CNOT4: variants seen among roughly 807,000 people sequenced by gnomAD.
The protein encoded by CNOT4 is CCR4-associated factor 4.
Under a neutral mutation model 73.8 loss-of-function variants are expected in CNOT4, and 8 were observed. The ratio of observed to expected loss-of-function variants is 0.11; its 90% confidence interval spans 0.06 to 0.20. The LOEUF is 0.20. Ranked by LOEUF, CNOT4 falls within the 10% of genes least tolerant of loss-of-function variation. The pLI is 1.00. For synonymous variants in CNOT4, 293 were observed against 321.1 expected, an observed-to-expected ratio of 0.91 and a Z score of 0.94; for missense variants, 564 against 883.4, an observed-to-expected ratio of 0.64 and a Z score of 4.58.
intron 1 of CNOT4, among the ~76,000 whole-genome samples, chr7:135,456,250 T>C (rs550261993): frequency 4.8e-4 from 73 of 152,294 alleles, no homozygotes; most frequent in Non-Finnish European, 8.8e-4. Flanking sequence ...ACTGATTTTT[T>C]TGAATTATTT....
intron 1 of CNOT4, among the ~76,000 whole-genome samples, chr7:135,451,852 G>C (rs1800188752): frequency 6.6e-6 from 1 of 152,168 alleles, no homozygotes; most frequent in African/African-American, 2.4e-5. Context: ...AATCCTTTGA[G>C]TGCAAAGACT....
chr7:135,469,883 G>A (rs1017905691), intron 1 of CNOT4, among the ~76,000 whole-genome samples: 2 of 151,932 alleles, frequency 1.3e-5, no homozygotes, highest in Admixed American at 6.6e-5. Flanking sequence ...GTGCAGTGGC[G>A]CAATCTCAGC....
chr7:135,449,042 TTAAG>T lies in CNOT4; in HGVS notation c.-92-10623_-92-10620del, dbSNP rs1294547216. 5.9e-5 allele frequency among the ~76,000 whole-genome samples: 9 copies of T among 152,214 alleles called. No homozygotes were observed. The East Asian group carries it at 1.3e-3, about 23-fold the overall frequency. On this transcript the variant is annotated intron_variant, in intron 1 of 11. Coordinates refer to ENST00000541284, the MANE Select transcript of CNOT4 (RefSeq NM_001190850.2). Reference sequence around the variant, plus strand: ...GAGGGAAAGGGAAAGAAAAACTATCTTAAGTAATGATGACTGTATAAAAATGAAG... The same window carrying T: ...GAGGGAAAGGGAAAGAAAAACTATCTTAATGATGACTGTATAAAAATGAAG...
At chr7:135,429,858 T>C (rs1413220356) in intron 2 of CNOT4, among the ~76,000 whole-genome samples, 1 of 152,206 alleles carries the variant, frequency 6.6e-6, no homozygotes, top group Non-Finnish European at 1.5e-5. Flanking sequence ...TTCCAGTACT[T>C]ACCAGATCCT....
intron 5 of CNOT4, 45 bp from the exon 6 acceptor site, chr7:135,413,658 C>G (rs757937624): frequency 1.3e-6 from 2 of 1,570,360 alleles, no homozygotes; most frequent in Non-Finnish European, 1.7e-6. Context: ...TCAATGTGAA[C>G]TGACAACACA....
At chr7:135,496,927 C>T (rs1255713136) in intron 1 of CNOT4, among the ~76,000 whole-genome samples, 3 of 151,784 alleles carry the variant, frequency 2.0e-5, no homozygotes. Flanking sequence ...CCCACTTAAA[C>T]TCCCAAGTAG....
At position 135,414,425 on chromosome 7, in the gene CNOT4, C is replaced by A; in HGVS notation, c.467G>T (p.Ser156Ile). ...STSYAGSQGP[S>I]ASAYVTYIRS... ...GATATAGGTTACATAAGCACTGGCA[C>A]TTGGACCCTAAAGTGAAAACATCCC... Residue 156 changes from serine to isoleucine, a missense_variant, in exon 5 of 12, where the codon AGT (serine) becomes ATT (isoleucine). Ser to Ile is a moderately radical substitution (Grantham distance 142, BLOSUM62 -2). Transcript: ENST00000541284. 6.8e-7 allele frequency: 1 copy of A among 1,464,464 alleles called. No homozygotes were observed. The highest frequency in any genetic ancestry group is 9.5e-7 in the Non-Finnish European group (1 of 1,048,454). The allele number at this position is 1,464,464 out of a possible 1,614,324, so 90.7% of individuals were successfully genotyped here.
intron 10 of CNOT4, among the ~76,000 whole-genome samples, chr7:135,385,602 C>T (rs1337728776): frequency 3.3e-5 from 5 of 152,188 alleles, no homozygotes; most frequent in African/African-American, 7.2e-5. Context: ...CTCACACACA[C>T]GTAGAATAAT....
intron 2 of CNOT4, among the ~76,000 whole-genome samples, chr7:135,436,020 T>C (rs1433665903): frequency 6.6e-6 from 1 of 151,936 alleles, no homozygotes; most frequent in African/African-American, 2.4e-5. Context: ...CCCATTCCTT[T>C]TTTTTTTTTA....
At chr7:135,376,412 C>CT (rs1411399187) in intron 10 of CNOT4, among the ~76,000 whole-genome samples, 1 of 151,956 alleles carries the variant, frequency 6.6e-6, no homozygotes, top group Non-Finnish European at 1.5e-5. Context: ...CTGCTTATTT[C>CT]TTAGCAGATC....
intron 1 of CNOT4, among the ~76,000 whole-genome samples, chr7:135,498,459 T>C (rs1270403286): frequency 6.6e-6 from 1 of 152,216 alleles, no homozygotes. Context: ...TGTGTTCTTT[T>C]GTTAGCATGC....
At chr7:135,402,320 G>A (rs1357058617) in intron 7 of CNOT4, among the ~76,000 whole-genome samples, 1 of 151,982 alleles carries the variant, frequency 6.6e-6, no homozygotes, top group African/African-American at 2.4e-5. Flanking sequence ...ATGTTGGCCA[G>A]GATGGTCTTA....
intron 7 of CNOT4, among the ~76,000 whole-genome samples, chr7:135,408,387 G>C (rs1370032262): frequency 6.6e-6 from 1 of 151,998 alleles, no homozygotes; most frequent in Admixed American, 6.6e-5. Context: ...AACAAACCAA[G>C]GTACTCTGTG....
chr7:135,407,709 G>A (rs1398039200), intron 7 of CNOT4, among the ~76,000 whole-genome samples: 1 of 151,798 alleles, frequency 6.6e-6, no homozygotes, highest in African/African-American at 2.4e-5. Flanking sequence ...GTTTTTTGTA[G>A]AGGCAGGGGT....
intron 1 of CNOT4, among the ~76,000 whole-genome samples, chr7:135,440,851 G>A (rs918132779): frequency 2.6e-5 from 4 of 151,824 alleles, no homozygotes; most frequent in Non-Finnish European, 4.4e-5. Flanking sequence ...CCCAGGAGGC[G>A]GAGGTGGCAG....
intron 2 of CNOT4, among the ~76,000 whole-genome samples, chr7:135,428,573 A>T (rs1303757601): frequency 6.6e-6 from 1 of 152,226 alleles, no homozygotes; most frequent in Admixed American, 6.5e-5. Flanking sequence ...CAATAGTTAA[A>T]AACTCAACAG....
chr7:135,396,827 T>C (rs940746375), intron 8 of CNOT4, among the ~76,000 whole-genome samples: 3 of 152,180 alleles, frequency 2.0e-5, no homozygotes, highest in African/African-American at 7.2e-5. Flanking sequence ...GAAACTTGGC[T>C]CTTTTACCAA....
At position 135,363,003 on chromosome 7, in the gene CNOT4, G is replaced by A; in HGVS notation, c.2024C>T (p.Pro675Leu). Residue 675 changes from proline to leucine, a missense_variant, in exon 12 of 12, where the codon CCT (proline) becomes CTT (leucine). This residue lies in a region of CNOT4 where 88 missense variants were observed against 94.7 expected (regional missense o/e 0.93). Transcript: ENST00000541284. The surrounding 1 kb of genome is among the most constrained non-coding windows in gnomAD (Gnocchi z 4.3). ...GAAGCTGGAAGGGTTTGAAGGAGGAGGGTAGGGATTCCAACTGGCTCTGTG... is the reference window on the plus strand; with the variant it reads ...GAAGCTGGAAGGGTTTGAAGGAGGAAGGTAGGGATTCCAACTGGCTCTGTG... ...PLHRASWNPYPPPSNPSSFHS... is the reference protein window; with the variant it reads ...PLHRASWNPYLPPSNPSSFHS... 1 of 1,613,786 alleles carries A rather than the reference G, an allele frequency of 6.2e-7. No individual in the cohort carries two copies. The highest frequency in any genetic ancestry group is 1.1e-5 in the South Asian group (1 of 91,032).
intron 10 of CNOT4, among the ~76,000 whole-genome samples, chr7:135,390,933 G>T (rs1213711235): frequency 2.0e-5 from 3 of 152,056 alleles, no homozygotes. Flanking sequence ...CACTGAAACA[G>T]GTATGTACTC....
Sources: allele counts gnomAD v4.1 joint callset (sites outside exome capture counted in the v4.1 genomes callset), GRCh38; gene constraint gnomAD v4.1.1; regional missense constraint gnomAD v4.1.1; non-coding constraint Gnocchi (gnomAD v3.1); transcripts MANE v1.5; gene names NCBI Gene and HGNC (gene_info 2026-07-23, HGNC 2026-07-21).